Variants in ESRRG observed in about 807,000 individuals in gnomAD.
ESRRG encodes estrogen-related receptor gamma.
ESRRG carries 13 observed loss-of-function variants against 44.0 expected under a neutral mutation model. The observed-to-expected ratio is 0.30, with a 90% CI of 0.19 to 0.47. ESRRG has a LOEUF of 0.47. Among genes scored for constraint, ESRRG ranks in the 20% least tolerant of loss-of-function variants. The probability of loss-of-function intolerance (pLI) is 1.00; values close to 1 mark genes in which losing one functional copy is unlikely to be tolerated. For synonymous variants in ESRRG, 215 were observed against 214.6 expected, an observed-to-expected ratio of 1.00 and a Z score of -0.02; for missense variants, 395 against 580.6, an observed-to-expected ratio of 0.68 and a Z score of 3.29.
rs59403765 is a variant in ESRRG at position 216,630,445 on chromosome 1, A to AACACAC, written c.589+20522_589+20527dup. Among the ~76,000 whole-genome samples the AACACAC allele has an allele frequency of 3.7e-3, 540 of 146,464 alleles. 10 individuals carry two copies. In the East Asian group the frequency reaches 0.042, roughly 11 times the overall value. On this transcript the variant is annotated intron_variant, in intron 3 of 6. Coordinates refer to ENST00000408911, the MANE Select transcript of ESRRG (RefSeq NM_001438.4). ...ACATGTGCATGCACATGTGCGTGTG[A>AACACAC]ACACACACACACACACACACACACA... is the stretch of plus-strand genomic sequence containing the variant.
intron 3 of ESRRG, among the ~76,000 whole-genome samples, chr1:216,590,467 T>C (rs2057461806): frequency 6.6e-6 from 1 of 152,186 alleles, no homozygotes; most frequent in African/African-American, 2.4e-5. Context: ...ACAAAATAAT[T>C]TGGATGAATA....
chr1:216,995,619 T>C (rs191962560), intron 1 of ESRRG, among the ~76,000 whole-genome samples: 7 of 152,246 alleles, frequency 4.6e-5, no homozygotes, highest in Admixed American at 2.0e-4. Context: ...GGTATCCTGA[T>C]CCTTCCAAAT....
chr1:216,951,820 T>C (rs919402159), intron 1 of ESRRG, among the ~76,000 whole-genome samples: 2 of 151,644 alleles, frequency 1.3e-5, no homozygotes, highest in Admixed American at 6.6e-5. Flanking sequence ...GAATTCTGAC[T>C]CTTGTTAAGT....
intron 1 of ESRRG, among the ~76,000 whole-genome samples, chr1:217,027,004 T>C (rs913720313): frequency 1.3e-5 from 2 of 152,020 alleles, no homozygotes; most frequent in Non-Finnish European, 2.9e-5. Context: ...TCTCTGACTA[T>C]GTAAGACTCC....
At chr1:217,070,179 TA>T (rs1339903485) in intron 1 of ESRRG, among the ~76,000 whole-genome samples, 1 of 152,104 alleles carries the variant, frequency 6.6e-6, no homozygotes, top group Non-Finnish European at 1.5e-5. Flanking sequence ...GGAAACTACA[TA>T]ACTCAGTTTC....
At chr1:216,677,663 T>C (rs11117657) in intron 1 of ESRRG, among the ~76,000 whole-genome samples, 172 bp from the exon 2 acceptor site, 34,994 of 152,060 alleles carry the variant, frequency 0.23, 4,533 homozygotes, top group Non-Finnish European at 0.3. Context: ...TTGAGAGAGT[T>C]TCCTAAGGGC....
At chr1:216,611,177 TG>T (rs1410006570) in intron 3 of ESRRG, among the ~76,000 whole-genome samples, 6 of 110,960 alleles carry the variant, frequency 5.4e-5, no homozygotes, top group African/African-American at 2.2e-4. Context: ...CACTCTAGCC[TG>T]GGCAATAAGA....
intron 2 of ESRRG, among the ~76,000 whole-genome samples, chr1:216,741,807 A>C (rs2152231942): frequency 6.6e-6 from 1 of 152,190 alleles, no homozygotes; most frequent in East Asian, 1.9e-4. Context: ...AAAATACCAC[A>C]CTTTCGTACA....
intron 5 of ESRRG, among the ~76,000 whole-genome samples, chr1:216,520,552 A>T (rs759345701): frequency 2.6e-5 from 4 of 152,166 alleles, no homozygotes; most frequent in Non-Finnish European, 5.9e-5. Flanking sequence ...GAGGGACTAG[A>T]TCTGTATTCT....
chr1:216,563,825 G>C (rs919843784), intron 5 of ESRRG, among the ~76,000 whole-genome samples: 2 of 152,118 alleles, frequency 1.3e-5, no homozygotes, highest in African/African-American at 4.8e-5. Flanking sequence ...AACAAAACTA[G>C]TGATTCTTAG....
At chr1:217,030,898 G>T (rs565680493) in intron 1 of ESRRG, among the ~76,000 whole-genome samples, 3 of 152,320 alleles carry the variant, frequency 2.0e-5, no homozygotes, top group Admixed American at 6.5e-5. Context: ...AAAATCACCA[G>T]TGCCCAGCTG....
In ESRRG at chr1:216,565,940, T is replaced by C. The variant is rs956815449; in HGVS notation, c.701-1560A>G. On this transcript the variant is annotated intron_variant, in intron 4 of 6. Transcript: ENST00000408911. ...TCAGGATTAGAAGAAAATCCAATAG[T>C]AAAGAGCATAAAAATATATCCGAAA... Among the ~76,000 whole-genome samples the C allele has an allele frequency of 4.0e-5, 6 of 151,446 alleles. No homozygotes were observed. The East Asian group carries it at 1.2e-3, about 29-fold the overall frequency.
chr1:216,913,111 CAAA>C (rs36067159), intron 2 of ESRRG, among the ~76,000 whole-genome samples: 84 of 62,780 alleles, frequency 1.3e-3, no homozygotes, highest in African/African-American at 4.4e-3. Context: ...GACTCTGTCT[CAAA>C]AAAAAAAAAA....
At chr1:216,763,297 C>G (rs547308215) in intron 2 of ESRRG, among the ~76,000 whole-genome samples, 3 of 152,050 alleles carry the variant, frequency 2.0e-5, no homozygotes, top group African/African-American at 7.2e-5. Flanking sequence ...TTAGGAGGCA[C>G]CATAATTTTC....
At chr1:216,662,686 G>A (rs1297051136) in intron 2 of ESRRG, among the ~76,000 whole-genome samples, 1 of 152,172 alleles carries the variant, frequency 6.6e-6, no homozygotes, top group African/African-American at 2.4e-5. Context: ...CTCCTCCACT[G>A]TGGGATATTT....
chr1:217,031,774 A>G (rs2082099678), intron 1 of ESRRG, among the ~76,000 whole-genome samples: 1 of 152,194 alleles, frequency 6.6e-6, no homozygotes, highest in Non-Finnish European at 1.5e-5. Context: ...TGGTTTCATT[A>G]GGGGCTTCCC....
intron 2 of ESRRG, among the ~76,000 whole-genome samples, chr1:216,839,877 C>T (rs372187018): frequency 2.6e-5 from 4 of 152,314 alleles, no homozygotes; most frequent in African/African-American, 9.6e-5. Context: ...GTAAACCATT[C>T]TGTAAACAGT....
At chr1:216,880,860 T>C (rs926104977) in intron 2 of ESRRG, among the ~76,000 whole-genome samples, 1 of 152,182 alleles carries the variant, frequency 6.6e-6, no homozygotes. Flanking sequence ...GTAACTATTT[T>C]ACAAAGATAA....
rs144586448 is a variant in ESRRG at position 217,053,412 on chromosome 1, G to A, written c.-106+36095C>T. On this transcript the variant is annotated intron_variant, in intron 1 of 7. Coordinates refer to the ESRRG transcript ENST00000359162. ...AGAGGTTGCAGTGAGCCGAGATTGCGCCACTGCACTCCAGCCTGGGCAACA... is the reference window on the plus strand; with the variant it reads ...AGAGGTTGCAGTGAGCCGAGATTGCACCACTGCACTCCAGCCTGGGCAACA... Among the ~76,000 whole-genome samples the A allele has an allele frequency of 7.7e-3, 1,158 of 150,272 alleles. 7 individuals carry two copies. Among genetic ancestry groups the A allele is most frequent in the Non-Finnish European group, 0.013 (888 of 67,620 alleles).
Sources: allele counts gnomAD v4.1 joint callset (sites outside exome capture counted in the v4.1 genomes callset), GRCh38; gene constraint gnomAD v4.1.1; transcripts MANE v1.5; gene names NCBI Gene and HGNC (gene_info 2026-07-23, HGNC 2026-07-21).